The following CBY2 variants were observed in gnomAD, a reference collection of about 807,000 sequenced individuals.
The protein encoded by CBY2 is protein chibby homolog 2.
Under a neutral mutation model 25.3 loss-of-function variants are expected in CBY2, and 23 were observed. The observed-to-expected ratio is 0.91, with a 90% CI of 0.65 to 1.29. The LOEUF is 1.29. Among genes scored for constraint, CBY2 ranks in the 50% most tolerant of loss-of-function variants. The pLI, the probability that CBY2 is intolerant of heterozygous loss-of-function variation, is 0.00. For missense variants in CBY2, 642 were observed against 590.7 expected (o/e 1.09, Z -0.90); for synonymous variants, 279 against 260.2 (o/e 1.07, Z -0.70).
chr13:45,708,251 A>G (rs1950250612), intron 2 of CBY2, among the ~76,000 whole-genome samples: 1 of 152,224 alleles, frequency 6.6e-6, no homozygotes, highest in Non-Finnish European at 1.5e-5. Flanking sequence ...GACTTTGTAA[A>G]GGTCATGCAC....
chr13:45,705,438 T>G (rs2137501858), intron 2 of CBY2, among the ~76,000 whole-genome samples: 1 of 152,338 alleles, frequency 6.6e-6, no homozygotes, highest in East Asian at 1.9e-4. Flanking sequence ...CCTTTTCTCC[T>G]TCCCCTTTGT....
In CBY2 at chr13:45,702,775, C is replaced by T. The variant is rs1950217430; in HGVS notation, c.76C>T (p.His26Tyr). The T allele has an allele frequency of 6.2e-7, 1 of 1,613,382 alleles. No homozygotes were observed. The highest frequency in any genetic ancestry group is 8.5e-7 in the Non-Finnish European group (1 of 1,179,380). ...HRTYTWQLTL[H>Y]SRPNYTRKRD... is the part of the protein sequence containing the mutation. ...TCTTCTTCTTTTCTCGTTTCCACAG[C>T]ACTCAAGGCCAAATTATACAAGAAA... The change falls in exon 2 of 3, where the codon CAC (histidine) becomes TAC (tyrosine). Residue 26 changes from histidine (H) to tyrosine (Y), a missense_variant and splice_region_variant. By Grantham distance (83) the His-to-Tyr change is moderately conservative (BLOSUM62 2). Transcript: ENST00000310521.
chr13:45,703,046 T>C (rs534079305), intron 2 of CBY2, 191 bp downstream of exon 2: 4 of 1,275,114 alleles, frequency 3.1e-6, no homozygotes, highest in Admixed American at 3.2e-5. Context: ...CCTTGGGTTC[T>C]TTTTCCCATG....
intron 2 of CBY2, among the ~76,000 whole-genome samples, chr13:45,709,425 C>T (rs1950256924): frequency 1.3e-5 from 2 of 152,110 alleles, no homozygotes; most frequent in African/African-American, 4.8e-5. Context: ...CCTCTTTGGA[C>T]CCTTAGTTGG....
Position 45,713,460 on chromosome 13 carries a change from C to T in CBY2, c.435C>T (p.Pro145=), listed in dbSNP as rs745472683. ...WVNENCRLQS[P]YFSPSASFHH... ...ATGAGAACTGCCGCCTGCAGTCTCC[C>T]TACTTCTCCCCATCCGCCTCCTTCC... The change falls in exon 3 of 3, where the codon CCC becomes CCT. Residue 145 remains proline, a synonymous_variant. Transcript: ENST00000310521. This position sits in a 1 kb window ranked among gnomAD's most constrained non-coding sequence, Gnocchi z 5.0. 14 of 1,614,198 alleles carry T rather than the reference C, an allele frequency of 8.7e-6. No homozygotes were observed. The highest frequency in any genetic ancestry group is 1.2e-5 in the Non-Finnish European group (14 of 1,180,030).
rs1242283119 is a variant in CBY2 at position 45,713,642 on chromosome 13, C to T, written c.617C>T (p.Ser206Leu). 11 of 1,613,482 alleles carry T rather than the reference C, an allele frequency of 6.8e-6. No homozygotes were observed. Among genetic ancestry groups the T allele is most frequent in the Non-Finnish European group, 9.3e-6 (11 of 1,179,984 alleles). The change falls in exon 3 of 3, where the codon TCG becomes TTG. Residue 206 changes from serine to leucine, a missense_variant. Physicochemically the swap from Ser to Leu is moderately radical, Grantham distance 145 (BLOSUM62 -2). Coordinates refer to ENST00000310521, the MANE Select transcript of CBY2 (RefSeq NM_152719.3). This position sits in a 1 kb window ranked among gnomAD's most constrained non-coding sequence, Gnocchi z 5.0. ...GTCTTCTGGGAGGAGCACAAGGCCT[C>T]GCTGGGCCGAGAGGAGAGCCGGGCC... Reference protein sequence around the residue: ...LQVFWEEHKASLGREESRAPS... With the variant: ...LQVFWEEHKALLGREESRAPS...
intron 2 of CBY2, among the ~76,000 whole-genome samples, chr13:45,712,708 G>A (rs568579024): frequency 1.3e-5 from 2 of 152,120 alleles, no homozygotes; most frequent in Admixed American, 6.5e-5. Flanking sequence ...AATGGCTTCT[G>A]TACCATTCCA....
Position 45,713,356 on chromosome 13 carries a change from G to T in CBY2, c.331G>T (p.Asp111Tyr). The T allele has an allele frequency of 6.2e-7, 1 of 1,614,154 alleles. No homozygotes were observed. The highest frequency in any genetic ancestry group is 1.3e-5 in the African/African-American group (1 of 75,038). ...DPMERPMSQA[D>Y]LELDYNPPRV... ...CATGGAGCGCCCCATGTCCCAGGCC[G>T]ACCTGGAGCTGGACTACAACCCGCC... Residue 111 changes from aspartate (D) to tyrosine (Y), a missense_variant, in exon 3 of 3, where the codon GAC becomes TAC. Physicochemically the swap from Asp to Tyr is radical, Grantham distance 160 (BLOSUM62 -3). Transcript: ENST00000310521. The surrounding 1 kb of genome is among the most constrained non-coding windows in gnomAD (Gnocchi z 5.0).
Position 45,706,731 on chromosome 13 carries a change from A to G in CBY2, c.156+3876A>G, listed in dbSNP as rs149362094. On this transcript the variant is annotated intron_variant, in intron 2 of 2. Transcript: ENST00000310521. ...TTCTTGGGGCTTTGTATTGGCATAG[A>G]CCTCTTGTCAAGGGCTAAAGGATAT... Among the ~76,000 whole-genome samples, 623 of 152,058 alleles carry G rather than the reference A, an allele frequency of 4.1e-3. 9 individuals carry two copies. The highest frequency in any genetic ancestry group is 7.0e-3 in the Non-Finnish European group (477 of 67,950).
Position 45,713,319 on chromosome 13 carries a change from G to A in CBY2, c.294G>A (p.Val98=). The A allele has an allele frequency of 6.2e-7, 1 of 1,614,126 alleles. No individual in the cohort carries two copies. Among genetic ancestry groups the A allele is most frequent in the African/African-American group, 1.3e-5 (1 of 75,046 alleles). Residue 98 remains valine, a synonymous_variant, in exon 3 of 3, where the codon GTG becomes GTA. Transcript: ENST00000310521. This position sits in a 1 kb window ranked among gnomAD's most constrained non-coding sequence, Gnocchi z 5.0. ...ATCCACTGAACCGCTTCTCCTCCGT[G>A]CCTTTAGACCCCATGGAGCGCCCCA... The part of the protein sequence containing the change: ...HSYPLNRFSS[V]PLDPMERPMS...
At chr13:45,708,268 A>AG in intron 2 of CBY2, among the ~76,000 whole-genome samples, 1 of 152,350 alleles carries the variant, frequency 6.6e-6, no homozygotes, top group Non-Finnish European at 1.5e-5. Context: ...GCACTCATAT[A>AG]GTGCAGAGCC....
chr13:45,703,670 A>G, intron 2 of CBY2: 1 of 1,260,564 alleles, frequency 7.9e-7, no homozygotes, highest in Non-Finnish European at 1.1e-6. Context: ...ATATAATTGT[A>G]ACAATCTAGG....
chr13:45,714,124 C>T lies in CBY2; in HGVS notation c.1099C>T (p.Gln367Ter). 6 of 1,578,728 alleles carry T rather than the reference C, an allele frequency of 3.8e-6. No individual in the cohort carries two copies. The highest frequency in any genetic ancestry group is 1.7e-4 in the Middle Eastern group (1 of 5,976). Reference sequence around the variant, plus strand: ...GCTGAGAGAGATGAGGCAGGCGCTGCAGGCCCTGCTCAAGGAGAACCGGCT... The same window carrying T: ...GCTGAGAGAGATGAGGCAGGCGCTGTAGGCCCTGCTCAAGGAGAACCGGCT... Reference protein sequence around the residue: ...QLLREMRQALQALLKENRLLQ... With the variant: ...QLLREMRQAL The change falls in exon 3 of 3, where the codon CAG becomes TAG. Residue 367 changes from glutamine (Q) to a stop codon, truncating the protein, a stop_gained. Transcript: ENST00000310521. LOFTEE classifies it high-confidence loss of function.
At position 45,713,731 on chromosome 13, in the gene CBY2, C is replaced by T. The variant is rs913636159; in HGVS notation, c.706C>T (p.Leu236=). 4 of 1,611,310 alleles carry T rather than the reference C, an allele frequency of 2.5e-6. No homozygotes were observed. The African/African-American group carries it at 4.0e-5, about 16-fold the overall frequency. ...LEVVKKDHVA[L]QVPRGKEDST... is the part of the protein sequence containing the mutation. ...GGTGGTGAAGAAGGACCACGTCGCC[C>T]TGCAGGTGCCCCGTGGCAAGGAGGA... Residue 236 remains leucine, a synonymous_variant, in exon 3 of 3, where the codon CTG becomes TTG. Transcript: ENST00000310521. This position sits in a 1 kb window ranked among gnomAD's most constrained non-coding sequence, Gnocchi z 5.0.
rs143335236 is a variant in CBY2 at position 45,713,421 on chromosome 13, C to G, written c.396C>G (p.Asp132Glu). 6.2e-7 allele frequency: 1 copy of G among 1,614,216 alleles called. No individual in the cohort carries two copies. Among genetic ancestry groups the G allele is most frequent in the Non-Finnish European group, 8.5e-7 (1 of 1,180,038 alleles). Residue 132 changes from aspartate to glutamate, a missense_variant, in exon 3 of 3, where the codon GAC (aspartate) becomes GAG (glutamate). Transcript: ENST00000310521. The surrounding 1 kb of genome is among the most constrained non-coding windows in gnomAD (Gnocchi z 5.0). Reference sequence around the variant, plus strand: ...GCGACGAGATGTTCGTGTTCCAGGACGGGCGCTGGGTAAATGAGAACTGCC... The same window carrying G: ...GCGACGAGATGTTCGTGTTCCAGGAGGGGCGCTGGGTAAATGAGAACTGCC... ...QLSDEMFVFQ[D>E]GRWVNENCRL...
intron 2 of CBY2, among the ~76,000 whole-genome samples, chr13:45,707,046 C>A (rs747274921): frequency 6.6e-6 from 1 of 152,126 alleles, no homozygotes; most frequent in Non-Finnish European, 1.5e-5. Context: ...CTGGCAACCC[C>A]AGGAAGTAGG....
chr13:45,702,850 C>T lies in CBY2; in HGVS notation c.151C>T (p.Pro51Ser), dbSNP rs763800825. ...SLEIPISVVL[P>S]QRGTAEPFPR... ...AGAAATTCCAATCAGTGTGGTTCTA[C>T]CTCAGGTAGGGATAATCACAGAAGG... Residue 51 changes from proline (P) to serine (S), a missense_variant, in exon 2 of 3, where the codon CCT becomes TCT. Physicochemically the swap from Pro to Ser is moderately conservative, Grantham distance 74 (BLOSUM62 -1). Coordinates refer to ENST00000310521, the MANE Select transcript of CBY2 (RefSeq NM_152719.3). 1.3e-5 allele frequency: 21 copies of T among 1,610,824 alleles called. No homozygotes were observed. The highest frequency in any genetic ancestry group is 5.0e-5 in the Admixed American group (3 of 59,994).
In CBY2 at chr13:45,713,630, A is replaced by C; in HGVS notation, c.605A>C (p.Glu202Ala). 6.2e-7 allele frequency: 1 copy of C among 1,613,580 alleles called. No homozygotes were observed. The highest frequency in any genetic ancestry group is 2.2e-5 in the East Asian group (1 of 44,820). The change falls in exon 3 of 3, where the codon GAG becomes GCG. Residue 202 changes from glutamate (E) to alanine (A), a missense_variant. Transcript: ENST00000310521. This position sits in a 1 kb window ranked among gnomAD's most constrained non-coding sequence, Gnocchi z 5.0. The part of the protein sequence containing the change: ...ENKILQVFWE[E>A]HKASLGREES... ...AAGATCCTACAGGTCTTCTGGGAGGAGCACAAGGCCTCGCTGGGCCGAGAG... is the reference window on the plus strand; with the variant it reads ...AAGATCCTACAGGTCTTCTGGGAGGCGCACAAGGCCTCGCTGGGCCGAGAG...
chr13:45,705,184 T>C (rs1950233008), intron 2 of CBY2, among the ~76,000 whole-genome samples: 1 of 152,232 alleles, frequency 6.6e-6, no homozygotes. Context: ...TTTTCTGATC[T>C]CTTTCCCTCC....
Sources: gnomAD v4.1 joint callset for allele counts (sites outside exome capture counted in the v4.1 genomes callset) on GRCh38, gnomAD v4.1.1 for gene constraint, Gnocchi (gnomAD v3.1) non-coding constraint, MANE v1.5 for transcripts, NCBI Gene and HGNC (gene_info 2026-07-23, HGNC 2026-07-21) for gene names.